Variants in ELOVL6 observed in about 807,000 individuals in gnomAD.
ELOVL6 encodes the protein very long chain fatty acid elongase 6.
Under a neutral mutation model 31.7 loss-of-function variants are expected in ELOVL6, and 8 were observed. That is an observed-to-expected ratio of 0.25 (90% CI 0.15 to 0.45). The LOEUF (loss-of-function observed/expected upper bound fraction) is 0.45. Ranked by LOEUF, ELOVL6 falls within the 20% of genes least tolerant of loss-of-function variation. The pLI is 1.00. For missense variants in ELOVL6, 126 were observed against 326.4 expected, an observed-to-expected ratio of 0.39 and a Z score of 4.73; for synonymous variants, 101 against 117.7, an observed-to-expected ratio of 0.86 and a Z score of 0.92.
At chr4:110,148,394 A>G (rs1235898436) in intron 1 of ELOVL6, among the ~76,000 whole-genome samples, 4 of 150,828 alleles carry the variant, frequency 2.7e-5, no homozygotes, top group Admixed American at 6.7e-5. Context: ...CAAACGCTGC[A>G]TCTTCTCTGT....
intron 1 of ELOVL6, among the ~76,000 whole-genome samples, chr4:110,161,697 T>A (rs1220994888): frequency 6.6e-6 from 1 of 152,194 alleles, no homozygotes; most frequent in Non-Finnish European, 1.5e-5. Context: ...AAACTACGTA[T>A]GTTAGATAAG....
chr4:110,178,553 TAAA>T (rs112979932), intron 1 of ELOVL6, among the ~76,000 whole-genome samples: 1 of 137,792 alleles, frequency 7.3e-6, no homozygotes. Context: ...AGACTCCATC[TAAA>T]AAAAAAAAAA....
chr4:110,089,177 AG>A (rs1295272217), intron 2 of ELOVL6, among the ~76,000 whole-genome samples: 1 of 152,268 alleles, frequency 6.6e-6, no homozygotes, highest in African/African-American at 2.4e-5. Flanking sequence ...ATGCTTAAAT[AG>A]GCAAAATTAA....
intron 1 of ELOVL6, among the ~76,000 whole-genome samples, chr4:110,121,668 C>T (rs972294652): frequency 2.6e-5 from 4 of 152,146 alleles, no homozygotes; most frequent in African/African-American, 4.8e-5. Context: ...CACTGCACTC[C>T]AGCCTGGGCG....
At chr4:110,081,388 A>AT (rs1755843751) in intron 2 of ELOVL6, among the ~76,000 whole-genome samples, 1 of 152,224 alleles carries the variant, frequency 6.6e-6, no homozygotes, top group African/African-American at 2.4e-5. Flanking sequence ...CTGGTACCAA[A>AT]ACAGAGATAT....
chr4:110,053,626 G>A (rs1241070421), intron 3 of ELOVL6, among the ~76,000 whole-genome samples: 1 of 152,110 alleles, frequency 6.6e-6, no homozygotes, highest in African/African-American at 2.4e-5. Flanking sequence ...CCAACATGGC[G>A]AAACCCCATC....
At chr4:110,093,869 T>A (rs1400776408) in intron 2 of ELOVL6, among the ~76,000 whole-genome samples, 1 of 152,124 alleles carries the variant, frequency 6.6e-6, no homozygotes, top group Middle Eastern at 3.2e-3. Flanking sequence ...ATGGGAATAT[T>A]GTGATTTTGG....
At chr4:110,087,961 G>A (rs1454897857) in intron 2 of ELOVL6, among the ~76,000 whole-genome samples, 2 of 151,884 alleles carry the variant, frequency 1.3e-5, no homozygotes, top group Non-Finnish European at 2.9e-5. Context: ...TTCAGATTCC[G>A]GCCTTCGTGA....
At chr4:110,090,608 T>TTTTTTTG (rs1560819030) in intron 2 of ELOVL6, among the ~76,000 whole-genome samples, 1 of 141,842 alleles carries the variant, frequency 7.1e-6, no homozygotes, top group African/African-American at 2.8e-5. Context: ...TTCTTTTTTT[T>TTTTTTTG]TTTTTTTTTT....
At chr4:110,053,522 T>C (rs1419043414) in intron 3 of ELOVL6, among the ~76,000 whole-genome samples, 1 of 152,128 alleles carries the variant, frequency 6.6e-6, no homozygotes, top group Non-Finnish European at 1.5e-5. Context: ...AAAAGAAAGT[T>C]GGCCGGGTGT....
chr4:110,141,436 G>A (rs1757953449), intron 1 of ELOVL6, among the ~76,000 whole-genome samples: 1 of 151,980 alleles, frequency 6.6e-6, no homozygotes, highest in Non-Finnish European at 1.5e-5. Context: ...TACCTACAAT[G>A]CACCTGAAAA....
intron 1 of ELOVL6, among the ~76,000 whole-genome samples, chr4:110,129,891 ATTTTTTTTTTTT>A (rs371838858): frequency 1.1e-5 from 1 of 93,540 alleles, no homozygotes; most frequent in Admixed American, 1.4e-4. Context: ...ATCCAATCCA[ATTTTTTTTTTTT>A]TTTTTTTTTT....
rs57733252 is a variant in ELOVL6, at chr4:110,141,855, G to GTA, written c.90-36229_90-36228dup. Reference sequence around the variant, plus strand: ...TATATACACTAACACAATACAATTAGTATATATATATATATATATACTAAT... The same window carrying GTA: ...TATATACACTAACACAATACAATTAGTATATATATATATATATATATACTAAT... On this transcript the variant is annotated intron_variant, in intron 1 of 3. Transcript: ENST00000302274. 1.0e-2 allele frequency among the ~76,000 whole-genome samples: 1,266 copies of GTA among 126,602 alleles called. 19 individuals carry two copies. The highest frequency in any genetic ancestry group is 0.028 in the African/African-American group (976 of 35,272). 83.1% of individuals were successfully genotyped at this position (126,602 alleles called of 152,430 possible).
chr4:110,176,471 A>AT (rs996650551), intron 1 of ELOVL6, among the ~76,000 whole-genome samples: 7 of 151,908 alleles, frequency 4.6e-5, no homozygotes, highest in Non-Finnish European at 1.0e-4. Flanking sequence ...CAAAGTTTCT[A>AT]TTTTTTTAGA....
chr4:110,109,891 A>G (rs1473614349), intron 1 of ELOVL6, among the ~76,000 whole-genome samples: 2 of 152,220 alleles, frequency 1.3e-5, no homozygotes, highest in African/African-American at 2.4e-5. Context: ...TCGTATCTAC[A>G]TGGCCTTCAT....
At chr4:110,092,361 T>C (rs1374794163) in intron 2 of ELOVL6, among the ~76,000 whole-genome samples, 1 of 152,212 alleles carries the variant, frequency 6.6e-6, no homozygotes, top group Admixed American at 6.5e-5. Context: ...AAGAGGCCTG[T>C]AAGAAGTTTC....
chr4:110,105,449 C>T (rs1242505184), intron 2 of ELOVL6, 48 bp downstream of exon 2: 1 of 1,530,938 alleles, frequency 6.5e-7, no homozygotes, highest in Admixed American at 2.1e-5. Flanking sequence ...ATTCTTTCAG[C>T]AAGTGATAAA....
intron 1 of ELOVL6, among the ~76,000 whole-genome samples, chr4:110,144,149 C>T (rs973582953): frequency 6.6e-6 from 1 of 151,556 alleles, no homozygotes; most frequent in Non-Finnish European, 1.5e-5. Context: ...CCAAATCTGT[C>T]ATACAGGGGC....
At chr4:110,191,955 C>T (rs777112587) in intron 1 of ELOVL6, among the ~76,000 whole-genome samples, 1 of 151,890 alleles carries the variant, frequency 6.6e-6, no homozygotes, top group East Asian at 1.9e-4. Context: ...TTTGGGAGGC[C>T]GAGGTAGGTG....
Sources: allele counts gnomAD v4.1 joint callset (sites outside exome capture counted in the v4.1 genomes callset), GRCh38; gene constraint gnomAD v4.1.1; transcripts MANE v1.5; gene names NCBI Gene and HGNC (gene_info 2026-07-23, HGNC 2026-07-21).